The following STX1B variants were observed in gnomAD, a reference collection of about 807,000 sequenced individuals.
The protein encoded by STX1B is syntaxin-1B.
Under a neutral mutation model 39.4 loss-of-function variants are expected in STX1B, and 7 were observed. The ratio of observed to expected loss-of-function variants is 0.18; its 90% CI spans 0.10 to 0.33. The LOEUF is 0.33. STX1B is among the 10% of genes least tolerant of loss of function. The pLI is 1.00. For missense variants in STX1B, 198 were observed against 383.2 expected (o/e 0.52, Z 4.04); for synonymous variants, 136 against 144.1 (o/e 0.94, Z 0.40).
At chr16:30,993,084 A>T in intron 9 of STX1B, 46 bp downstream of exon 9, 1 of 1,577,140 alleles carries the variant, frequency 6.3e-7, no homozygotes, top group Non-Finnish European at 8.7e-7. Flanking sequence ...GCCCGGGCTC[A>T]GCCTTGGGCT....
chr16:31,002,903 G>A (rs542500588), intron 1 of STX1B, among the ~76,000 whole-genome samples: 1 of 152,292 alleles, frequency 6.6e-6, no homozygotes, highest in Admixed American at 6.5e-5. Context: ...AAAAAGAAGA[G>A]CTTGCCAGGG....
At chr16:30,995,786 C>G (rs980643322) in intron 7 of STX1B, among the ~76,000 whole-genome samples, 1 of 152,078 alleles carries the variant, frequency 6.6e-6, no homozygotes, top group African/African-American at 2.4e-5. Context: ...CCACTGGGCC[C>G]GGCCAGCCCA....
Position 31,001,714 on chromosome 16 carries a change from C to A in STX1B, c.31-111G>T. The A allele has an allele frequency of 1.2e-6, 1 of 815,244 alleles. No homozygotes were observed. The highest frequency in any genetic ancestry group is 1.9e-6 in the Non-Finnish European group (1 of 516,538). 50.5% of individuals were successfully genotyped at this position (815,244 alleles called of 1,614,324 possible). A position where few individuals can be genotyped will look rare whatever the true frequency, so the allele number is the denominator to read the frequency against. ...TATGCACACACAGGTGCTCCCAGCT[C>A]TAGGCTCAGAGGAGGGGTCCTGGGA... On this transcript the variant is annotated intron_variant, in intron 1 of 9. Transcript: ENST00000215095. This position sits in a 1 kb window ranked among gnomAD's most constrained non-coding sequence, Gnocchi z 5.5.
intron 4 of STX1B, among the ~76,000 whole-genome samples, chr16:30,998,159 G>A (rs2056605502): frequency 6.6e-6 from 1 of 152,248 alleles, no homozygotes; most frequent in Non-Finnish European, 1.5e-5. Context: ...CACTTCTGAA[G>A]GACGTTCTGG....
intron 1 of STX1B, among the ~76,000 whole-genome samples, chr16:31,005,287 C>G (rs1330170792): frequency 6.6e-6 from 1 of 152,078 alleles, no homozygotes; most frequent in Non-Finnish European, 1.5e-5. Context: ...GTGGGCAAAC[C>G]AGACTACCTA....
Position 30,996,935 on chromosome 16 carries a change from T to G in STX1B, c.463+16A>C, listed in dbSNP as rs2056596162. 2 of 1,596,820 alleles carry G rather than the reference T, an allele frequency of 1.3e-6. No individual in the cohort carries two copies. Among genetic ancestry groups the G allele is most frequent in the Non-Finnish European group, 8.6e-7 (1 of 1,168,840 alleles). On this transcript the variant is annotated intron_variant, in intron 6 of 9. Coordinates refer to ENST00000215095, the MANE Select transcript of STX1B (RefSeq NM_052874.5). ...CCTCAAGGAGTTCGGGGTCCTGGGGTGGGGGGCACACGCACTGATCTCCAG... is the reference window on the plus strand; with the variant it reads ...CCTCAAGGAGTTCGGGGTCCTGGGGGGGGGGGCACACGCACTGATCTCCAG...
In STX1B at chr16:30,996,993, G is replaced by T. The variant is rs747003382; in HGVS notation, c.421C>A (p.Arg141=). The change falls in exon 6 of 10, where the codon CGG becomes AGG. Residue 141 remains arginine, a synonymous_variant. Transcript: ENST00000215095. The part of the protein sequence containing the change: ...TEYNATQSKY[R]DRCKDRIQRQ... ...TGGATCCGGTCCTTGCAGCGGTCCC[G>T]GTACTTGGACTGGGTCGCGTTATAT... 1.9e-6 allele frequency: 3 copies of T among 1,613,688 alleles called. No homozygotes were observed. The highest frequency in any genetic ancestry group is 1.7e-5 in the Admixed American group (1 of 59,982).
At chr16:30,996,896 G>A (rs913086318) in intron 6 of STX1B, 55 bp downstream of exon 6, 1 of 1,574,632 alleles carries the variant, frequency 6.4e-7, no homozygotes, top group Non-Finnish European at 8.7e-7. Flanking sequence ...ATGCCTGGAA[G>A]GGGGCTTGGG....
At chr16:30,995,729 G>A (rs924111831) in intron 7 of STX1B, among the ~76,000 whole-genome samples, 20 of 151,926 alleles carry the variant, frequency 1.3e-4, no homozygotes, top group African/African-American at 4.6e-4. Flanking sequence ...GACCTCAGGT[G>A]ATCTACCTGC....
Position 31,001,058 on chromosome 16 carries a change from T to A in STX1B, c.205+36A>T, listed in dbSNP as rs1451366437. The A allele has an allele frequency of 1.2e-6, 2 of 1,613,612 alleles. No individual in the cohort carries two copies. Among genetic ancestry groups the A allele is most frequent in the South Asian group, 2.2e-5 (2 of 91,084 alleles). Reference sequence around the variant, plus strand: ...CTGGGTGGGAACCCCAGGCCCCTTCTCCTCCCACCCCACAGTCACCGGCAG... The same window carrying A: ...CTGGGTGGGAACCCCAGGCCCCTTCACCTCCCACCCCACAGTCACCGGCAG... On this transcript the variant is annotated intron_variant, in intron 3 of 9. Transcript: ENST00000215095. This position sits in a 1 kb window ranked among gnomAD's most constrained non-coding sequence, Gnocchi z 5.5.
intron 7 of STX1B, 92 bp downstream of exon 7, chr16:30,996,591 C>T: frequency 8.5e-7 from 1 of 1,180,332 alleles, no homozygotes; most frequent in Non-Finnish European, 1.2e-6. Flanking sequence ...GCTCATTTTT[C>T]CAGGGTGGAC....
chr16:31,000,799 A>G, intron 4 of STX1B, 129 bp downstream of exon 4: 2 of 902,762 alleles, frequency 2.2e-6, no homozygotes, highest in Non-Finnish European at 3.5e-6. Context: ...GAGTTTTGCC[A>G]TGTTGCCCAG....
chr16:30,996,039 G>C (rs2056589958), intron 7 of STX1B, among the ~76,000 whole-genome samples: 1 of 151,884 alleles, frequency 6.6e-6, no homozygotes, highest in Non-Finnish European at 1.5e-5. Context: ...TTTAGGCCGA[G>C]TGGTGGGCGC....
intron 5 of STX1B, 54 bp downstream of exon 5, chr16:30,997,448 G>A: frequency 1.3e-6 from 2 of 1,504,404 alleles, no homozygotes; most frequent in South Asian, 1.2e-5. Context: ...CTCCAGCCTG[G>A]GCTCCTCCCG....
intron 7 of STX1B, 149 bp downstream of exon 7, chr16:30,996,534 G>A: frequency 1.4e-6 from 1 of 709,314 alleles, no homozygotes; most frequent in Non-Finnish European, 2.4e-6. Flanking sequence ...GTGCCTTCCT[G>A]CTCCGCTCCC....
chr16:31,000,541 G>A (rs2056621449), intron 4 of STX1B, among the ~76,000 whole-genome samples: 1 of 151,408 alleles, frequency 6.6e-6, no homozygotes, highest in African/African-American at 2.4e-5. Flanking sequence ...CACCCAGACT[G>A]TAGTGCAGTG....
intron 4 of STX1B, among the ~76,000 whole-genome samples, chr16:30,999,287 CT>C: frequency 6.6e-6 from 1 of 152,320 alleles, no homozygotes; most frequent in South Asian, 2.1e-4. Context: ...CACATATGGC[CT>C]CCCCTCCAGT....
Position 30,997,042 on chromosome 16 carries a change from C to G in STX1B, c.372G>C (p.Arg124=), listed in dbSNP as rs1425793361. 4.3e-6 allele frequency: 7 copies of G among 1,612,576 alleles called. No individual in the cohort carries two copies. Among genetic ancestry groups the G allele is most frequent in the African/African-American group, 1.3e-5 (1 of 74,456 alleles). ...IRKTQHSTLS[R]KFVEVMTEYN... is the part of the protein sequence containing the mutation. ...ATTCGGTCATTACCTCCACGAACTT[C>G]CGGGACAGTGTGGAGTGCTACGGTG... The change falls in exon 6 of 10, where the codon CGG becomes CGC. Residue 124 remains arginine, a synonymous_variant. Transcript: ENST00000215095.
At chr16:30,997,610 C>T in intron 4 of STX1B, 35 bp from the exon 5 acceptor site, 1 of 1,579,578 alleles carries the variant, frequency 6.3e-7, no homozygotes, top group Non-Finnish European at 8.6e-7. Context: ...GGGCGGGAGA[C>T]CCGGGGCACA....
Sources: allele counts gnomAD v4.1 joint callset (sites outside exome capture counted in the v4.1 genomes callset), GRCh38; gene constraint gnomAD v4.1.1; non-coding constraint Gnocchi (gnomAD v3.1); transcripts MANE v1.5; gene names NCBI Gene and HGNC (gene_info 2026-07-23, HGNC 2026-07-21).